SOX6: variants seen among roughly 807,000 people sequenced by gnomAD.
The protein encoded by SOX6 is SRY-box transcription factor 6.
SOX6 carries 11 observed loss-of-function variants against 97.8 expected under a neutral mutation model. That is an observed-to-expected ratio of 0.11 (90% confidence interval 0.07 to 0.19). The LOEUF (loss-of-function observed/expected upper bound fraction) is 0.19, where lower values mean the gene tolerates loss of function less well. Among genes scored for constraint, SOX6 ranks in the 10% least tolerant of loss-of-function variants. SOX6 has a pLI of 1.00. For synonymous variants in SOX6, 360 were observed against 371.4 expected, an observed-to-expected ratio of 0.97 and a Z score of 0.35; for missense variants, 810 against 1,039.5, an observed-to-expected ratio of 0.78 and a Z score of 3.04.
intron 1 of SOX6, among the ~76,000 whole-genome samples, chr11:16,426,626 C>A (rs904206587): frequency 6.6e-6 from 1 of 152,014 alleles, no homozygotes; most frequent in Non-Finnish European, 1.5e-5. Context: ...AAAACTGGAT[C>A]CCTTCTGGCC....
intron 3 of SOX6, among the ~76,000 whole-genome samples, chr11:16,679,197 A>G (rs1383614742): frequency 1.3e-5 from 2 of 152,166 alleles, no homozygotes; most frequent in African/African-American, 4.8e-5. Context: ...ACTGGGAGAC[A>G]TCTCCCAGTA....
chr11:16,252,916 T>C (rs1169545490), intron 3 of SOX6, among the ~76,000 whole-genome samples: 2 of 152,166 alleles, frequency 1.3e-5, no homozygotes, highest in Non-Finnish European at 2.9e-5. Flanking sequence ...CATAGGACTA[T>C]GGAATTCTTA....
chr11:16,737,993 A>T (rs1015056640), intron 1 of SOX6, among the ~76,000 whole-genome samples: 1 of 152,114 alleles, frequency 6.6e-6, no homozygotes, highest in Non-Finnish European at 1.5e-5. Flanking sequence ...AGACATCCAC[A>T]GCGAGGTCAG....
intron 1 of SOX6, among the ~76,000 whole-genome samples, chr11:16,426,838 C>T (rs796797297): frequency 2.5e-4 from 32 of 129,364 alleles, no homozygotes; most frequent in African/African-American, 7.7e-4. Context: ...GGCGTGAACC[C>T]GGGAGGCGGA....
At chr11:16,192,711 A>T (rs971761906) in intron 4 of SOX6, among the ~76,000 whole-genome samples, 6 of 152,212 alleles carry the variant, frequency 3.9e-5, no homozygotes, top group African/African-American at 1.4e-4. Context: ...AATGAGATAA[A>T]TAAGGCAATT....
chr11:16,574,100 C>A (rs1192427130), intron 4 of SOX6, among the ~76,000 whole-genome samples: 3 of 151,986 alleles, frequency 2.0e-5, no homozygotes. Flanking sequence ...AATTGAAAAT[C>A]CCAATAGGTT....
At chr11:16,592,872 A>T (rs1196647022) in intron 4 of SOX6, among the ~76,000 whole-genome samples, 1 of 152,146 alleles carries the variant, frequency 6.6e-6, no homozygotes, top group Non-Finnish European at 1.5e-5. Flanking sequence ...GCCTCAGAGA[A>T]TCCCTGCAAA....
chr11:16,705,091 C>G (rs972514253), intron 3 of SOX6, among the ~76,000 whole-genome samples: 3 of 151,890 alleles, frequency 2.0e-5, no homozygotes, highest in Non-Finnish European at 4.4e-5. Flanking sequence ...AATCCTGTCT[C>G]TACTAAAAAT....
chr11:16,498,983 C>T (rs1358436308), intron 4 of SOX6, among the ~76,000 whole-genome samples: 6 of 152,168 alleles, frequency 3.9e-5, no homozygotes, highest in Non-Finnish European at 8.8e-5. Flanking sequence ...CAGAACTCTC[C>T]ACCCCAAATC....
chr11:16,281,467 A>C (rs1001190008), intron 3 of SOX6, among the ~76,000 whole-genome samples: 1 of 152,086 alleles, frequency 6.6e-6, no homozygotes, highest in Non-Finnish European at 1.5e-5. Flanking sequence ...TTATATCCAC[A>C]CATTATATAC....
chr11:16,578,447 G>A (rs946923994), intron 4 of SOX6, among the ~76,000 whole-genome samples: 1 of 151,944 alleles, frequency 6.6e-6, no homozygotes, highest in East Asian at 1.9e-4. Flanking sequence ...TGGCCATGAA[G>A]CCTTCTCTAC....
intron 3 of SOX6, among the ~76,000 whole-genome samples, chr11:16,638,137 T>A (rs1303351389): frequency 6.8e-6 from 1 of 147,732 alleles, no homozygotes; most frequent in Non-Finnish European, 1.5e-5. Context: ...TTCCCACCTA[T>A]AACTGAGAAC....
rs577223931 is a variant in SOX6 at position 16,613,883 on chromosome 11, G to A, written n.430-1623C>T. Among the ~76,000 whole-genome samples the A allele has an allele frequency of 3.5e-4, 53 of 152,274 alleles. No individual in the cohort carries two copies. Among genetic ancestry groups the A allele is most frequent in the Non-Finnish European group, 5.0e-4 (34 of 68,028 alleles). ...AGGGGCTGTAGAGACGAACCCAGCT[G>A]ACACTGGCCCAGCAGCCTTGGCGAC... On this transcript the variant is annotated intron_variant and non_coding_transcript_variant, in intron 3 of 5. Transcript: ENST00000524520. The surrounding 1 kb of genome is among the most constrained non-coding windows in gnomAD (Gnocchi z 4.6).
chr11:16,559,336 G>A (rs1331079549), intron 4 of SOX6, among the ~76,000 whole-genome samples: 1 of 151,044 alleles, frequency 6.6e-6, no homozygotes, highest in Non-Finnish European at 1.5e-5. Context: ...CATACTGTCA[G>A]CATCACAGTT....
chr11:16,591,686 T>A (rs968143897), intron 4 of SOX6, among the ~76,000 whole-genome samples: 1 of 152,082 alleles, frequency 6.6e-6, no homozygotes, highest in East Asian at 1.9e-4. Flanking sequence ...TTGAGTCCAT[T>A]TATTAAAAAA....
chr11:16,064,438 T>G (rs543430795), intron 9 of SOX6, among the ~76,000 whole-genome samples: 9 of 144,842 alleles, frequency 6.2e-5, no homozygotes, highest in South Asian at 2.1e-4. Flanking sequence ...AAGAAAGAAA[T>G]AAAAATCATC....
intron 6 of SOX6, among the ~76,000 whole-genome samples, chr11:16,171,441 C>T (rs549788835): frequency 5.6e-4 from 85 of 152,058 alleles, no homozygotes; most frequent in South Asian, 4.4e-3. Flanking sequence ...AAACACAGAA[C>T]GGTACACGTG....
At chr11:16,080,066 GTACCC>G (rs1848439681) in intron 9 of SOX6, among the ~76,000 whole-genome samples, 1 of 149,792 alleles carries the variant, frequency 6.7e-6, no homozygotes, top group Non-Finnish European at 1.5e-5. Flanking sequence ...AATTGCACAT[GTACCC>G]TAAAACTTAA....
intron 4 of SOX6, among the ~76,000 whole-genome samples, chr11:16,552,779 G>T (rs1243171445): frequency 6.6e-6 from 1 of 152,080 alleles, no homozygotes; most frequent in Non-Finnish European, 1.5e-5. Context: ...AGATCTAAAA[G>T]GTTAGAATGA....
Sources: allele counts gnomAD v4.1 joint callset (sites outside exome capture counted in the v4.1 genomes callset), GRCh38; gene constraint gnomAD v4.1.1; non-coding constraint Gnocchi (gnomAD v3.1); transcripts MANE v1.5; gene names NCBI Gene and HGNC (gene_info 2026-07-23, HGNC 2026-07-21).